RLF: variants seen among roughly 807,000 people sequenced by gnomAD.
The protein encoded by RLF is zinc finger protein Rlf.
In RLF, 7 loss-of-function variants were observed where a neutral mutation model predicts 162.9. That is an observed-to-expected ratio of 0.04 (90% CI 0.02 to 0.08). The LOEUF (loss-of-function observed/expected upper bound fraction) is 0.08, where lower values mean the gene tolerates loss of function less well. Ranked by LOEUF, RLF falls within the 10% of genes least tolerant of loss-of-function variation. The probability of loss-of-function intolerance (pLI) is 1.00; values close to 1 mark genes in which losing one functional copy is unlikely to be tolerated. For missense variants in RLF, 1,664 were observed against 2,244.7 expected (o/e 0.74, Z 5.23); for synonymous variants, 782 against 791.5 (o/e 0.99, Z 0.20).
rs770558682 is a variant in RLF at position 40,238,844 on chromosome 1, A to C, written c.4142A>C (p.Lys1381Thr). ...TTCCTGTGTTCCAAAGCTCTTGCTA[A>C]GCACTGTAGTGATTCTCATAACCTA... ...KRFLCSKALA[K>T]HCSDSHNLDH... Residue 1381 changes from lysine to threonine, a missense_variant, in exon 8 of 8, where the codon AAG becomes ACG. This residue lies in a region of RLF where 200 missense variants were observed against 207.3 expected (regional missense o/e 0.96). Transcript: ENST00000372771. The surrounding 1 kb of genome is among the most constrained non-coding windows in gnomAD (Gnocchi z 5.2). 1 of 1,614,138 alleles carries C rather than the reference A, an allele frequency of 6.2e-7. No homozygotes were observed. Among genetic ancestry groups the C allele is most frequent in the Non-Finnish European group, 8.5e-7 (1 of 1,179,988 alleles).
chr1:40,233,995 C>T (rs775184618), intron 7 of RLF, among the ~76,000 whole-genome samples: 1 of 152,250 alleles, frequency 6.6e-6, no homozygotes, highest in Non-Finnish European at 1.5e-5. Context: ...GTTGCCCAGG[C>T]TGGCATGCAG....
Position 40,238,354 on chromosome 1 carries a change from T to C in RLF, c.3652T>C (p.Cys1218Arg), listed in dbSNP as rs1643244869. ...DNEKCDHEGP[C>R]SVDRLKGDCS... ...TGAAAAGTGTGATCATGAAGGCCCATGTTCAGTAGATAGGTTGAAAGGTGA... is the reference window on the plus strand; with the variant it reads ...TGAAAAGTGTGATCATGAAGGCCCACGTTCAGTAGATAGGTTGAAAGGTGA... The change falls in exon 8 of 8, where the codon TGT (cysteine) becomes CGT (arginine). Residue 1218 changes from cysteine to arginine, a missense_variant. By Grantham distance (180) the Cys-to-Arg change is radical. Coordinates refer to ENST00000372771, the MANE Select transcript of RLF (RefSeq NM_012421.4). This position sits in a 1 kb window ranked among gnomAD's most constrained non-coding sequence, Gnocchi z 5.2. 2 of 1,614,170 alleles carry C rather than the reference T, an allele frequency of 1.2e-6. No individual in the cohort carries two copies. Among genetic ancestry groups the C allele is most frequent in the Non-Finnish European group, 1.7e-6 (2 of 1,180,014 alleles).
intron 1 of RLF, among the ~76,000 whole-genome samples, chr1:40,173,073 G>GTTTTTTTTTTTTTTTTTTTTTTTT (rs765020752): frequency 1.6e-5 from 2 of 129,012 alleles, no homozygotes; most frequent in African/African-American, 6.4e-5. Flanking sequence ...TAACATTCAG[G>GTTTTTTTTTTTTTTTTTTTTTTTT]TTTTTTTTTT....
At chr1:40,198,159 A>G (rs1353138846) in intron 4 of RLF, among the ~76,000 whole-genome samples, 2 of 151,520 alleles carry the variant, frequency 1.3e-5, no homozygotes, top group African/African-American at 4.9e-5. Context: ...ATGCGCCACC[A>G]TGCCCGGCTA....
intron 5 of RLF, among the ~76,000 whole-genome samples, chr1:40,210,449 C>T (rs1642851154): frequency 6.6e-6 from 1 of 152,080 alleles, no homozygotes; most frequent in African/African-American, 2.4e-5. Flanking sequence ...TGCAGGGATC[C>T]ACTGGAGAAT....
At chr1:40,189,816 AG>A (rs1642533000) in intron 2 of RLF, among the ~76,000 whole-genome samples, 1 of 152,084 alleles carries the variant, frequency 6.6e-6, no homozygotes, top group Non-Finnish European at 1.5e-5. Context: ...CAAAAAAAAA[AG>A]AACGTGATTT....
chr1:40,182,363 G>A (rs768644085), intron 1 of RLF, among the ~76,000 whole-genome samples: 2 of 152,200 alleles, frequency 1.3e-5, no homozygotes, highest in Non-Finnish European at 1.5e-5. Context: ...GAACCTGGGA[G>A]GGGGAGGTTG....
chr1:40,231,416 C>A, intron 6 of RLF, 101 bp from the exon 7 acceptor site: 1 of 962,070 alleles, frequency 1.0e-6, no homozygotes, highest in Non-Finnish European at 1.6e-6. Context: ...TTTGTTTTCT[C>A]TACTGTCAGC....
intron 3 of RLF, 47 bp downstream of exon 3, chr1:40,190,900 A>G: frequency 8.6e-7 from 1 of 1,158,176 alleles, no homozygotes; most frequent in South Asian, 1.4e-5. Context: ...CAAGACACCT[A>G]ATTAATTACT....
At position 40,238,740 on chromosome 1, in the gene RLF, A is replaced by G. The variant is rs946939146; in HGVS notation, c.4038A>G (p.Lys1346=). 1.2e-6 allele frequency: 2 copies of G among 1,613,702 alleles called. No homozygotes were observed. The highest frequency in any genetic ancestry group is 1.3e-5 in the African/African-American group (1 of 74,924). The part of the protein sequence containing the change: ...QYNKEQLCLE[K]DKARTKRELV... Reference sequence around the variant, plus strand: ...ACAAAGAACAGTTATGTTTGGAGAAAGACAAAGCAAGAACCAAAAGGGAAC... The same window carrying G: ...ACAAAGAACAGTTATGTTTGGAGAAGGACAAAGCAAGAACCAAAAGGGAAC... The change falls in exon 8 of 8, where the codon AAA becomes AAG. Residue 1346 remains lysine, a synonymous_variant. Transcript: ENST00000372771. The surrounding 1 kb of genome is among the most constrained non-coding windows in gnomAD (Gnocchi z 5.2).
At chr1:40,179,546 C>CT (rs35301710) in intron 1 of RLF, among the ~76,000 whole-genome samples, 7,922 of 143,376 alleles carry the variant, frequency 0.055, 559 homozygotes, top group African/African-American at 0.17. Flanking sequence ...AAAGTTAACT[C>CT]TTTTTTTTTT....
chr1:40,205,357 T>C (rs1255792522), intron 5 of RLF, among the ~76,000 whole-genome samples: 1 of 152,012 alleles, frequency 6.6e-6, no homozygotes, highest in Admixed American at 6.6e-5. Flanking sequence ...AAAAATAAAA[T>C]AAAATAAAAA....
intron 2 of RLF, 66 bp downstream of exon 2, chr1:40,189,275 C>T (rs1642525616): frequency 7.6e-7 from 1 of 1,324,084 alleles, no homozygotes; most frequent in Non-Finnish European, 1.1e-6. Context: ...TGCCTGGTTT[C>T]TCTTTACAGT....
chr1:40,204,174 C>G (rs192987185), intron 5 of RLF, among the ~76,000 whole-genome samples: 2 of 151,940 alleles, frequency 1.3e-5, no homozygotes, highest in Admixed American at 6.5e-5. Flanking sequence ...CACCACCACG[C>G]CTGGCTAATT....
intron 4 of RLF, among the ~76,000 whole-genome samples, 178 bp from the exon 5 acceptor site, chr1:40,202,234 C>G (rs182424922): frequency 6.6e-6 from 1 of 152,152 alleles, no homozygotes; most frequent in Non-Finnish European, 1.5e-5. Context: ...TTCACTATTT[C>G]TTAATTTTCC....
At chr1:40,222,009 A>G (rs1643006359) in intron 5 of RLF, among the ~76,000 whole-genome samples, 1 of 151,970 alleles carries the variant, frequency 6.6e-6, no homozygotes, top group Admixed American at 6.6e-5. Context: ...TTTAAGTCAT[A>G]TAAATGAAAA....
chr1:40,216,962 T>C (rs765097749), intron 5 of RLF, among the ~76,000 whole-genome samples: 1 of 151,774 alleles, frequency 6.6e-6, no homozygotes, highest in Non-Finnish European at 1.5e-5. Flanking sequence ...TGAGGCAGAA[T>C]TGGATGAACC....
chr1:40,167,855 C>G (rs1161630121), intron 1 of RLF, among the ~76,000 whole-genome samples: 2 of 151,612 alleles, frequency 1.3e-5, no homozygotes, highest in Admixed American at 1.3e-4. Context: ...TTGATCTCCT[C>G]CCTTTCCTGT....
chr1:40,188,542 T>C (rs1642515568), intron 1 of RLF, among the ~76,000 whole-genome samples: 1 of 151,574 alleles, frequency 6.6e-6, no homozygotes, highest in Admixed American at 6.6e-5. Context: ...AATAAAAATA[T>C]CAATATAACA....
Sources: allele counts gnomAD v4.1 joint callset (sites outside exome capture counted in the v4.1 genomes callset), GRCh38; gene constraint gnomAD v4.1.1; regional missense constraint gnomAD v4.1.1; non-coding constraint Gnocchi (gnomAD v3.1); transcripts MANE v1.5; gene names NCBI Gene and HGNC (gene_info 2026-07-23, HGNC 2026-07-21).